Variants in PYCR3 observed in about 807,000 individuals in gnomAD.
PYCR3 encodes pyrroline-5-carboxylate reductase 3, also known as P5C reductase 3.
PYCR3 carries 26 observed loss-of-function variants against 23.4 expected under a neutral mutation model. That is an observed-to-expected ratio of 1.11 (90% CI 0.81 to 1.54). The LOEUF (loss-of-function observed/expected upper bound fraction) is 1.54, where lower values mean the gene tolerates loss of function less well. Ranked by LOEUF, PYCR3 falls within the 40% of genes most tolerant of loss-of-function variation. The probability of loss-of-function intolerance (pLI) is 0.00; values close to 1 mark genes in which losing one functional copy is unlikely to be tolerated. For synonymous variants in PYCR3, 194 were observed against 162.6 expected, an observed-to-expected ratio of 1.19 and a Z score of -1.47; for missense variants, 360 against 376.3, an observed-to-expected ratio of 0.96 and a Z score of 0.36.
Position 143,606,551 on chromosome 8 carries a change from C to T in PYCR3, c.465G>A (p.Leu155=), listed in dbSNP as rs1373565626. The T allele has an allele frequency of 2.5e-6, 4 of 1,612,976 alleles. No homozygotes were observed. Among genetic ancestry groups the T allele is most frequent in the South Asian group, 1.1e-5 (1 of 91,084 alleles). ...CCTCACACCGCCCACAGGCCTCCAG[C>T]AGATGCTGCAGGAGCTTGGTCTCGC... The part of the protein sequence containing the change: ...GSSETKLLQH[L]LEACGRCEEV... The change falls in exon 4 of 6, where the codon CTG becomes CTA. Residue 155 remains leucine (L), a synonymous_variant. Transcript: ENST00000495276.
intron 4 of PYCR3, 105 bp downstream of exon 4, chr8:143,606,362 C>T (rs1298418174): frequency 1.3e-5 from 17 of 1,308,504 alleles, no homozygotes; most frequent in Non-Finnish European, 1.5e-5. Flanking sequence ...GGAGCAACCA[C>T]GCAGGCCTCA....
rs1213995330 is a variant in PYCR3 at position 143,605,868 on chromosome 8, C to T, written c.657G>A (p.Met219Ile). The T allele has an allele frequency of 6.2e-7, 1 of 1,608,182 alleles. No homozygotes were observed. The highest frequency in any genetic ancestry group is 1.1e-5 in the South Asian group (1 of 90,890). ...CTGGGTGTTGGCCCTCGTGCAGCAGCATCTTGGCCGTCCCCTGAGGAGAGC... is the reference window on the plus strand; with the variant it reads ...CTGGGTGTTGGCCCTCGTGCAGCAGTATCTTGGCCGTCCCCTGAGGAGAGC... ...AAQTLLGTAK[M>I]LLHEGQHPAQ... The change falls in exon 6 of 6, where the codon ATG (methionine) becomes ATA (isoleucine). Residue 219 changes from methionine (M) to isoleucine (I), a missense_variant. Transcript: ENST00000495276.
rs899126330 is a variant in PYCR3, at chr8:143,603,937, C to T, written c.*1763G>A. 2 of 151,950 alleles carry T rather than the reference C, an allele frequency of 1.3e-5. No individual in the cohort carries two copies. The highest frequency in any genetic ancestry group is 2.4e-5 in the African/African-American group (1 of 41,346). 9.4% of individuals were successfully genotyped at this position (151,950 alleles called of 1,614,324 possible). A position where few individuals can be genotyped will look rare whatever the true frequency, so the allele number is the denominator to read the frequency against. ...TCCAAGACAGAGTCTTGCTGTCACCCAGGCTGGAGTGCAGTGGCATGATCT... is the reference window on the plus strand; with the variant it reads ...TCCAAGACAGAGTCTTGCTGTCACCTAGGCTGGAGTGCAGTGGCATGATCT... On this transcript the variant is annotated 3_prime_UTR_variant, in exon 6 of 6. Coordinates refer to ENST00000495276, the MANE Select transcript of PYCR3 (RefSeq NM_023078.6).
rs1295864923 is a variant in PYCR3, at chr8:143,606,656, C to T, written c.360G>A (p.Val120=). 6.2e-7 allele frequency: 1 copy of T among 1,601,312 alleles called. No individual in the cohort carries two copies. Residue 120 remains valine (V), a synonymous_variant, in exon 4 of 6, where the codon GTG becomes GTA. Coordinates refer to ENST00000495276, the MANE Select transcript of PYCR3 (RefSeq NM_023078.6). ...AGGGCAGGTTGGGCAAGACCCGCAG[C>T]ACCCGTGTGTTTGGGGGCAGCAGCT... ...LEELLPPNTR[V]LRVLPNLPCV...
At chr8:143,607,558 A>C (rs1829436629) in intron 2 of PYCR3, among the ~76,000 whole-genome samples, 1 of 152,106 alleles carries the variant, frequency 6.6e-6, no homozygotes. Context: ...GTGTACACGC[A>C]CGCACTCATA....
Position 143,607,081 on chromosome 8 carries a change from GGC to G in PYCR3, c.206_207del (p.Cys69SerfsTer26). 6.2e-7 allele frequency: 1 copy of G among 1,611,574 alleles called. No homozygotes were observed. Among genetic ancestry groups the G allele is most frequent in the Non-Finnish European group, 8.5e-7 (1 of 1,179,280 alleles). On this transcript the variant is annotated frameshift_variant, in exon 3 of 6. Coordinates refer to ENST00000495276, the MANE Select transcript of PYCR3 (RefSeq NM_023078.6). LOFTEE classifies it high-confidence loss of function. ...THSNQEVLQS[C>X]LLVIFATKPH... ...GGCTTGGTGGCAAAGATGACGAGCA[GGC>G]AGCTCTGCAGCACCTCCTGGTTGGA...
intron 1 of PYCR3, 116 bp downstream of exon 1, chr8:143,609,342 G>T (rs2278898): frequency 8.3e-7 from 1 of 1,206,566 alleles, no homozygotes; most frequent in Non-Finnish European, 1.1e-6. Flanking sequence ...GCTGCGCCCA[G>T]CGGAGCGGAG....
Position 143,608,091 on chromosome 8 carries a change from G to C in PYCR3, c.127C>G (p.Pro43Ala), listed in dbSNP as rs753007181. 1 of 1,613,880 alleles carries C rather than the reference G, an allele frequency of 6.2e-7. No homozygotes were observed. Among genetic ancestry groups the C allele is most frequent in the South Asian group, 1.1e-5 (1 of 91,086 alleles). Residue 43 changes from proline to alanine, a missense_variant, in exon 2 of 6, where the codon CCA (proline) becomes GCA (alanine). By Grantham distance (27) the Pro-to-Ala change is conservative. Transcript: ENST00000495276. The part of the protein sequence containing the change: ...VEAQHILASA[P>A]TDRNLCHFQA... ...AAGTGACATAGGTTCCTGTCTGTTG[G>C]TGCACTGGCCAGTATGTGCTGAGCT...
chr8:143,605,609 C>T lies in PYCR3; in HGVS notation c.*91G>A. 1.7e-6 allele frequency: 2 copies of T among 1,165,628 alleles called. No individual in the cohort carries two copies. Among genetic ancestry groups the T allele is most frequent in the Non-Finnish European group, 2.4e-6 (2 of 829,316 alleles). The allele number at this position is 1,165,628 out of a possible 1,614,324, so 72.2% of individuals were successfully genotyped here. A position where few individuals can be genotyped will look rare whatever the true frequency, so the allele number is the denominator to read the frequency against. ...GGGAGAAGGAGCAGTAGGAGACCCT[C>T]ATGCAGGAGGGAGGGAGCCGCAGTC... On this transcript the variant is annotated 3_prime_UTR_variant, in exon 6 of 6. Transcript: ENST00000495276.
At chr8:143,606,841 T>C in intron 3 of PYCR3, 112 bp downstream of exon 3, 10 of 1,380,970 alleles carry the variant, frequency 7.2e-6, no homozygotes, top group Non-Finnish European at 8.9e-6. Flanking sequence ...AGCCACTTGA[T>C]CCAGGTGGGC....
Position 143,604,861 on chromosome 8 carries a change from T to C in PYCR3, c.*839A>G. ...GAGCTACGGGGTATTCCAGGACCCCTGACCTAGGCACGGGGCAGGAGGGCC... is the reference window on the plus strand; with the variant it reads ...GAGCTACGGGGTATTCCAGGACCCCCGACCTAGGCACGGGGCAGGAGGGCC... On this transcript the variant is annotated 3_prime_UTR_variant, in exon 6 of 6. Coordinates refer to ENST00000495276, the MANE Select transcript of PYCR3 (RefSeq NM_023078.6). 2.1e-6 allele frequency: 1 copy of C among 480,878 alleles called. No individual in the cohort carries two copies. Among genetic ancestry groups the C allele is most frequent in the Non-Finnish European group, 4.1e-6 (1 of 241,122 alleles). 29.8% of individuals were successfully genotyped at this position (480,878 alleles called of 1,614,324 possible).
rs1311315916 is a variant in PYCR3 at position 143,607,231 on chromosome 8, C to T, written c.157-99G>A. The T allele has an allele frequency of 3.4e-6, 4 of 1,183,080 alleles. No homozygotes were observed. In the African/African-American group the frequency reaches 4.7e-5, roughly 14 times the overall value. The allele number at this position is 1,183,080 out of a possible 1,614,324, so 73.3% of individuals were successfully genotyped here. On this transcript the variant is annotated intron_variant, in intron 2 of 5. Transcript: ENST00000495276. ...GCTGGATGCCACACGTTCCCATGGT[C>T]CCAGGGCCTCTCCCATTGCAAGTGT...
At chr8:143,608,334 T>G (rs1829458246) in intron 1 of PYCR3, 1 of 580,984 alleles carries the variant, frequency 1.7e-6, no homozygotes, top group Non-Finnish European at 3.1e-6. Flanking sequence ...TCAACGCCCC[T>G]GACTGCTGCT....
chr8:143,604,511 G>T lies in PYCR3; in HGVS notation c.*1189C>A, dbSNP rs546022699. The T allele has an allele frequency of 3.2e-3, 910 of 283,670 alleles. 26 individuals carry two copies. The highest frequency in any genetic ancestry group is 0.028 in the South Asian group (894 of 32,132). The allele number at this position is 283,670 out of a possible 1,614,324, so 17.6% of individuals were successfully genotyped here. A position where few individuals can be genotyped will look rare whatever the true frequency, so the allele number is the denominator to read the frequency against. ...CACTGGTGGATTGATCTGCTCAGGC[G>T]CACAGGGAGATGGCACAGCAGGACC... On this transcript the variant is annotated 3_prime_UTR_variant, in exon 6 of 6. Coordinates refer to ENST00000495276, the MANE Select transcript of PYCR3 (RefSeq NM_023078.6).
chr8:143,606,213 C>T (rs1829395092), intron 4 of PYCR3, 59 bp from the exon 5 acceptor site: 2 of 1,501,686 alleles, frequency 1.3e-6, no homozygotes, highest in Admixed American at 1.9e-5. Context: ...GGCTCAGGAC[C>T]TTCAGGAACA....
Position 143,608,708 on chromosome 8 carries a change from G to A in PYCR3, c.92-582C>T, listed in dbSNP as rs370196979. ...GAACACAGCAATTAATCATGACAGT[G>A]GCAGCCAAACACACCAGTACTAAGC... On this transcript the variant is annotated intron_variant, in intron 1 of 5. Coordinates refer to ENST00000495276, the MANE Select transcript of PYCR3 (RefSeq NM_023078.6). 19 of 387,500 alleles carry A rather than the reference G, an allele frequency of 4.9e-5. No individual in the cohort carries two copies. In the East Asian group the frequency reaches 1.2e-3, roughly 24 times the overall value. The allele number at this position is 387,500 out of a possible 1,614,324, so 24.0% of individuals were successfully genotyped here. A position where few individuals can be genotyped will look rare whatever the true frequency, so the allele number is the denominator to read the frequency against.
chr8:143,608,615 C>T (rs774654905), intron 1 of PYCR3: 8 of 322,056 alleles, frequency 2.5e-5, no homozygotes, highest in Non-Finnish European at 4.9e-5. Context: ...TTGTCGGGTA[C>T]GGGGTGGAAA....
rs1419397430 is a variant in PYCR3 at position 143,606,493 on chromosome 8, C to T, written c.523G>A (p.Gly175Ser). 1.9e-6 allele frequency: 3 copies of T among 1,612,906 alleles called. No homozygotes were observed. The highest frequency in any genetic ancestry group is 2.5e-6 in the Non-Finnish European group (3 of 1,180,006). Reference sequence around the variant, plus strand: ...AAGGCCACGCCACTGCCACTGAGGCCAGTGTGGATGTCGACGTAGGCTTCA... The same window carrying T: ...AAGGCCACGCCACTGCCACTGAGGCTAGTGTGGATGTCGACGTAGGCTTCA... Reference protein sequence around the residue: ...VPEAYVDIHTGLSGSGVAFVC... With the variant: ...VPEAYVDIHTSLSGSGVAFVC... Residue 175 changes from glycine (G) to serine (S), a missense_variant, in exon 4 of 6, where the codon GGC becomes AGC. Transcript: ENST00000495276.
At chr8:143,606,430 C>A (rs766480783) in intron 4 of PYCR3, 37 bp downstream of exon 4, 7 of 1,599,734 alleles carry the variant, frequency 4.4e-6, no homozygotes, top group Non-Finnish European at 5.1e-6. Flanking sequence ...CCCTCTTTGC[C>A]GAGGGTGGGG....
Sources: gnomAD v4.1 joint callset for allele counts (sites outside exome capture counted in the v4.1 genomes callset) on GRCh38, gnomAD v4.1.1 for gene constraint, MANE v1.5 for transcripts, NCBI Gene and HGNC (gene_info 2026-07-23, HGNC 2026-07-21) for gene names.